GLIS3: variants seen among roughly 807,000 people sequenced by gnomAD.
GLIS3 encodes the protein zinc finger protein GLIS3.
In GLIS3, 53 loss-of-function variants were observed where a neutral mutation model predicts 78.6. That is an observed-to-expected ratio of 0.67 (90% confidence interval 0.54 to 0.85). The LOEUF (loss-of-function observed/expected upper bound fraction) is 0.85. Among genes scored for constraint, GLIS3 ranks in the 40% least tolerant of loss-of-function variants. GLIS3 has a pLI of 0.00. For synonymous variants in GLIS3, 684 were observed against 509.9 expected (o/e 1.34, Z -4.60); for missense variants, 1,703 against 1,231.1 (o/e 1.38, Z -5.74).
At chr9:4,111,481 G>A (rs566465492) in intron 4 of GLIS3, among the ~76,000 whole-genome samples, 2 of 152,304 alleles carry the variant, frequency 1.3e-5, no homozygotes, top group African/African-American at 4.8e-5. Context: ...GCCTTCTAAA[G>A]GGAAACCAAA....
chr9:4,336,744 C>T (rs749762624), intron 2 of GLIS3, among the ~76,000 whole-genome samples: 6 of 152,174 alleles, frequency 3.9e-5, no homozygotes, highest in Non-Finnish European at 5.9e-5. Flanking sequence ...GCTCATGTCC[C>T]AAGTCCTATA....
At chr9:4,173,882 G>A (rs913419559) in intron 2 of GLIS3, among the ~76,000 whole-genome samples, 2 of 150,040 alleles carry the variant, frequency 1.3e-5, no homozygotes, top group African/African-American at 2.5e-5. Context: ...AGCTAAAGAA[G>A]ACATGAATCC....
the GLIS3 span, among the ~76,000 whole-genome samples, chr9:4,375,113 C>CA: frequency 8.5e-5 from 13 of 152,272 alleles, no homozygotes; most frequent in Admixed American, 8.5e-4. Context: ...TGACAGAACC[C>CA]ACTGTTCTTA....
At chr9:4,143,537 A>C (rs536294213) in intron 2 of GLIS3, among the ~76,000 whole-genome samples, 1 of 151,826 alleles carries the variant, frequency 6.6e-6, no homozygotes, top group Non-Finnish European at 1.5e-5. Flanking sequence ...ACTGCACTCC[A>C]GCCTGGGCGA....
At chr9:4,229,106 A>G (rs1822033326) in intron 2 of GLIS3, among the ~76,000 whole-genome samples, 1 of 152,202 alleles carries the variant, frequency 6.6e-6, no homozygotes, top group Admixed American at 6.5e-5. Flanking sequence ...AGTGCGTATG[A>G]TATGCTACCA....
chr9:4,180,113 G>A (rs757285019), intron 2 of GLIS3, among the ~76,000 whole-genome samples: 4 of 152,208 alleles, frequency 2.6e-5, no homozygotes, highest in Non-Finnish European at 5.9e-5. Flanking sequence ...GGCTGAGCTG[G>A]GGAGAGTCAG....
chr9:3,985,877 G>C (rs1173007404), intron 4 of GLIS3, among the ~76,000 whole-genome samples: 1 of 152,116 alleles, frequency 6.6e-6, no homozygotes, highest in Non-Finnish European at 1.5e-5. Flanking sequence ...CTAGTTCCTG[G>C]CATTCCCAGT....
chr9:4,145,945 A>G (rs1293816924), intron 2 of GLIS3, among the ~76,000 whole-genome samples: 1 of 152,244 alleles, frequency 6.6e-6, no homozygotes, highest in African/African-American at 2.4e-5. Flanking sequence ...AGAAACTAAC[A>G]TGACAAAAAA....
At chr9:4,045,545 G>A (rs1825177975) in intron 4 of GLIS3, among the ~76,000 whole-genome samples, 1 of 151,116 alleles carries the variant, frequency 6.6e-6, no homozygotes, top group Non-Finnish European at 1.5e-5. Flanking sequence ...CACCATGTTG[G>A]CCAGGCTGGT....
chr9:4,129,975 G>T (rs1832853776), intron 2 of GLIS3, among the ~76,000 whole-genome samples: 2 of 152,202 alleles, frequency 1.3e-5, no homozygotes, highest in Admixed American at 6.5e-5. Flanking sequence ...TGAGGAACTT[G>T]TTGGGAACTG....
rs531711612 is a variant in GLIS3, at chr9:4,240,564, C to T, written c.388+45474G>A. On this transcript the variant is annotated intron_variant, in intron 2 of 10. Coordinates refer to ENST00000381971, the MANE Select transcript of GLIS3 (RefSeq NM_001042413.2). ...TAAACAAGATTACAAGGGAAGATTACAAGGGGGTACTAATATTACACTTTA... is the reference window on the plus strand; with the variant it reads ...TAAACAAGATTACAAGGGAAGATTATAAGGGGGTACTAATATTACACTTTA... Among the ~76,000 whole-genome samples the T allele has an allele frequency of 2.0e-5, 3 of 152,154 alleles. No homozygotes were observed. The South Asian group carries it at 6.2e-4, about 32-fold the overall frequency.
the GLIS3 span, among the ~76,000 whole-genome samples, chr9:4,465,783 G>T: frequency 6.6e-6 from 1 of 152,050 alleles, no homozygotes; most frequent in Admixed American, 6.5e-5. Flanking sequence ...ATACCTCTTG[G>T]ATTTCTGCCT....
intron 2 of GLIS3, among the ~76,000 whole-genome samples, chr9:4,224,586 G>C (rs532521120): frequency 6.6e-6 from 1 of 152,244 alleles, no homozygotes; most frequent in African/African-American, 2.4e-5. Context: ...GGAAAATCCA[G>C]AACCAAATCT....
intron 8 of GLIS3, among the ~76,000 whole-genome samples, chr9:3,867,728 TGCGTGCGTGTGTGTGTGTGTGTGTGTGA>T: frequency 2.0e-5 from 1 of 49,006 alleles, no homozygotes; most frequent in South Asian, 6.0e-4. Context: ...TGTGTGTGTG[TGCGTGCGTGTGTGTGTGTGTGTGTGTGA>T]GTGCATGTGT....
chr9:4,321,315 G>C (rs1403208831), intron 2 of GLIS3, among the ~76,000 whole-genome samples: 5 of 130,856 alleles, frequency 3.8e-5, no homozygotes, highest in Admixed American at 2.9e-4. Flanking sequence ...CCAGCTACTC[G>C]GGAGGCTGAG....
chr9:4,297,124 A>C (rs1587352809), intron 1 of GLIS3, among the ~76,000 whole-genome samples: 1 of 152,118 alleles, frequency 6.6e-6, no homozygotes, highest in East Asian at 1.9e-4. Context: ...TGTACCCAAA[A>C]AAAAAAAAAA....
At chr9:4,324,381 T>A (rs907663819) in intron 2 of GLIS3, among the ~76,000 whole-genome samples, 2 of 152,170 alleles carry the variant, frequency 1.3e-5, no homozygotes, top group African/African-American at 4.8e-5. Flanking sequence ...TCTTTCAACC[T>A]CAGTATTTTC....
At chr9:4,263,711 T>TA (rs1192544904) in intron 2 of GLIS3, among the ~76,000 whole-genome samples, 1 of 152,194 alleles carries the variant, frequency 6.6e-6, no homozygotes, top group Non-Finnish European at 1.5e-5. Flanking sequence ...CCCAATGCAA[T>TA]AGAGTATTTT....
intron 8 of GLIS3, among the ~76,000 whole-genome samples, chr9:3,867,222 ATGT>A (rs1389169191): frequency 1.3e-5 from 2 of 152,178 alleles, no homozygotes; most frequent in Non-Finnish European, 2.9e-5. Context: ...CAGTTTAGCA[ATGT>A]TGTTTTGTTG....
Sources: gnomAD v4.1 joint callset for allele counts (sites outside exome capture counted in the v4.1 genomes callset) on GRCh38, gnomAD v4.1.1 for gene constraint, MANE v1.5 for transcripts, NCBI Gene and HGNC (gene_info 2026-07-23, HGNC 2026-07-21) for gene names.